NFIA: variants seen among roughly 807,000 people sequenced by gnomAD.
The protein encoded by NFIA is nuclear factor I A.
Under a neutral mutation model 62.8 loss-of-function variants are expected in NFIA, and 8 were observed. The observed-to-expected ratio is 0.13, with a 90% CI of 0.07 to 0.23. The LOEUF (loss-of-function observed/expected upper bound fraction) is 0.23. Among genes scored for constraint, NFIA ranks in the 10% least tolerant of loss-of-function variants. The pLI is 1.00. For missense variants in NFIA, 410 were observed against 642.1 expected (o/e 0.64, Z 3.91); for synonymous variants, 235 against 238.1 (o/e 0.99, Z 0.12).
At chr1:61,354,662 A>G (rs1398834387) in intron 5 of NFIA, among the ~76,000 whole-genome samples, 4 of 152,210 alleles carry the variant, frequency 2.6e-5, no homozygotes, top group African/African-American at 4.8e-5. Flanking sequence ...CTTTTCACAC[A>G]GAATCCTCTT....
chr1:61,440,787 G>A (rs1202802920), intron 10 of NFIA, among the ~76,000 whole-genome samples: 1 of 151,950 alleles, frequency 6.6e-6, no homozygotes, highest in Non-Finnish European at 1.5e-5. Flanking sequence ...GGGAAGAAAG[G>A]ATATTTAAAT....
chr1:61,207,373 G>A (rs1652966735), intron 2 of NFIA, among the ~76,000 whole-genome samples: 1 of 152,038 alleles, frequency 6.6e-6, no homozygotes, highest in Non-Finnish European at 1.5e-5. Context: ...TTTAAAACAA[G>A]ACCACAAGCC....
chr1:61,215,425 C>T (rs1193026860), intron 2 of NFIA, among the ~76,000 whole-genome samples: 2 of 151,360 alleles, frequency 1.3e-5, no homozygotes, highest in Non-Finnish European at 1.5e-5. Context: ...AAGATCATTA[C>T]TTTATTAGGA....
Position 61,460,811 on chromosome 1 carries a change from C to T in NFIA, c.*5491C>T, listed in dbSNP as rs1032402546. The T allele has an allele frequency of 6.6e-6, 1 of 152,114 alleles. No homozygotes were observed. Among genetic ancestry groups the T allele is most frequent in the Non-Finnish European group, 1.5e-5 (1 of 68,028 alleles). 9.4% of individuals were successfully genotyped at this position (152,114 alleles called of 1,614,324 possible). ...AATAACCGTACAATATTAATGCATG[C>T]GATTCCATAATGCTTAGTGAACTGT... On this transcript the variant is annotated 3_prime_UTR_variant, in exon 11 of 11. Transcript: ENST00000403491.
chr1:61,229,149 C>T (rs1184659596), intron 2 of NFIA, among the ~76,000 whole-genome samples: 6 of 149,174 alleles, frequency 4.0e-5, no homozygotes, highest in South Asian at 4.2e-4. Context: ...AAAAAAGCAA[C>T]GTAATTTTTT....
At chr1:61,358,379 C>CTTTCTTTTTTTTTTTTTTTTTTTTT (rs71582639) in intron 5 of NFIA, among the ~76,000 whole-genome samples, 7 of 52,622 alleles carry the variant, frequency 1.3e-4, no homozygotes, top group Non-Finnish European at 1.9e-4. Flanking sequence ...TTCTTTCTTT[C>CTTTCTTTTTTTTTTTTTTTTTTTTT]TTTTTTTTTT....
intron 2 of NFIA, among the ~76,000 whole-genome samples, chr1:61,105,342 C>T (rs1007832980): frequency 6.6e-6 from 1 of 152,056 alleles, no homozygotes; most frequent in South Asian, 2.1e-4. Context: ...TAACATTACA[C>T]TACAATATGT....
intron 3 of NFIA, among the ~76,000 whole-genome samples, chr1:61,287,994 C>T (rs1447958063): frequency 2.0e-5 from 3 of 152,194 alleles, no homozygotes; most frequent in African/African-American, 7.2e-5. Flanking sequence ...AATTCCATTC[C>T]TTCCGCATCT....
chr1:61,281,450 G>A (rs1265489418), intron 3 of NFIA, among the ~76,000 whole-genome samples: 1 of 152,274 alleles, frequency 6.6e-6, no homozygotes, highest in South Asian at 2.1e-4. Context: ...TGGAGTGGAA[G>A]GGGATGGCGT....
intron 7 of NFIA, among the ~76,000 whole-genome samples, chr1:61,396,505 C>T (rs996447454): frequency 3.3e-5 from 5 of 152,166 alleles, no homozygotes; most frequent in Non-Finnish European, 7.4e-5. Context: ...CCTCAGCCTT[C>T]TGAGTAGCTG....
intron 6 of NFIA, among the ~76,000 whole-genome samples, chr1:61,364,210 T>C (rs2100452565): frequency 6.6e-6 from 1 of 152,288 alleles, no homozygotes; most frequent in Non-Finnish European, 1.5e-5. Context: ...CCTCCCAAAG[T>C]GCTGGGATTA....
At chr1:61,347,712 A>G (rs773227089) in intron 4 of NFIA, among the ~76,000 whole-genome samples, 40 of 152,190 alleles carry the variant, frequency 2.6e-4, no homozygotes, top group Non-Finnish European at 4.4e-4. Flanking sequence ...TCGGCATTGC[A>G]TTAGATATTC....
chr1:61,194,891 A>T lies in NFIA; in HGVS notation c.560-82629A>T, dbSNP rs1651887996. Among the ~76,000 whole-genome samples the T allele has an allele frequency of 2.6e-5, 4 of 152,184 alleles. No individual in the cohort carries two copies. The South Asian group carries it at 8.3e-4, about 31-fold the overall frequency. On this transcript the variant is annotated intron_variant, in intron 2 of 10. Transcript: ENST00000403491. ...GAGTGTGTCTGGATTAAATCCAGAT[A>T]CTCTGACTATATAGAGCTCTTTTCA...
At chr1:61,219,645 C>T (rs535199907) in intron 2 of NFIA, among the ~76,000 whole-genome samples, 8 of 147,070 alleles carry the variant, frequency 5.4e-5, no homozygotes, top group South Asian at 2.2e-4. Flanking sequence ...ACGCGGGAGG[C>T]GGAGCTTGCA....
intron 3 of NFIA, among the ~76,000 whole-genome samples, 155 bp from the exon 4 acceptor site, chr1:61,332,357 T>A (rs1661341402): frequency 6.6e-6 from 1 of 152,238 alleles, no homozygotes; most frequent in African/African-American, 2.4e-5. Context: ...TCTGCTTAGC[T>A]AAATGACTGT....
intron 2 of NFIA, among the ~76,000 whole-genome samples, chr1:61,240,753 T>A (rs543674778): frequency 1.3e-5 from 2 of 152,282 alleles, no homozygotes; most frequent in East Asian, 3.9e-4. Flanking sequence ...CTGGTAATGA[T>A]GCCAGAGTCA....
At chr1:61,343,798 G>A (rs1404088177) in intron 4 of NFIA, among the ~76,000 whole-genome samples, 2 of 152,166 alleles carry the variant, frequency 1.3e-5, no homozygotes, top group Non-Finnish European at 2.9e-5. Context: ...GTACCTTTAT[G>A]ATTGATTTCC....
intron 10 of NFIA, among the ~76,000 whole-genome samples, chr1:61,453,737 A>T (rs1044572571): frequency 2.0e-5 from 3 of 152,184 alleles, no homozygotes; most frequent in Admixed American, 6.5e-5. Context: ...TCTAACGTGG[A>T]TGAGAGTCAG....
chr1:61,090,995 G>A (rs1393375513), intron 2 of NFIA, among the ~76,000 whole-genome samples: 2 of 152,186 alleles, frequency 1.3e-5, no homozygotes, highest in Non-Finnish European at 2.9e-5. Context: ...TTATAATACT[G>A]AAGATTTGTA....
Sources: allele counts gnomAD v4.1 joint callset (sites outside exome capture counted in the v4.1 genomes callset), GRCh38; gene constraint gnomAD v4.1.1; transcripts MANE v1.5; gene names NCBI Gene and HGNC (gene_info 2026-07-23, HGNC 2026-07-21).